TCF21: variants seen among roughly 807,000 people sequenced by gnomAD.
The protein encoded by TCF21 is transcription factor 21.
Under a neutral mutation model 13.5 loss-of-function variants are expected in TCF21, and 3 were observed. The observed-to-expected ratio is 0.22, with a 90% confidence interval of 0.10 to 0.57. The LOEUF is 0.57. Ranked by LOEUF, TCF21 falls within the 20% of genes least tolerant of loss-of-function variation. TCF21 has a pLI of 0.92. For missense variants in TCF21, 181 were observed against 238.4 expected, an observed-to-expected ratio of 0.76 and a Z score of 1.59; for synonymous variants, 92 against 101.7, an observed-to-expected ratio of 0.90 and a Z score of 0.57.
chr6:133,891,363 C>G (rs1775213093), intron 1 of TCF21, among the ~76,000 whole-genome samples: 1 of 152,232 alleles, frequency 6.6e-6, no homozygotes, highest in African/African-American at 2.4e-5. Context: ...ACTGCCAAAG[C>G]GTCTGCCTCC....
chr6:133,889,507 G>A lies in TCF21; in HGVS notation c.110G>A (p.Ser37Asn). The change falls in exon 1 of 2, where the codon AGC becomes AAC. Residue 37 changes from serine to asparagine, a missense_variant. By Grantham distance (46) the Ser-to-Asn change is conservative. Coordinates refer to ENST00000367882, the MANE Select transcript of TCF21 (RefSeq NM_003206.4). The surrounding 1 kb of genome is among the most constrained non-coding windows in gnomAD (Gnocchi z 5.1). ...SNKEFVTSNE[S>N]TEESSNCENG... ...AAGGAATTTGTGACTTCCAACGAGA[G>A]CACCGAGGAGAGCTCCAACTGCGAG... The A allele has an allele frequency of 6.2e-7, 1 of 1,614,112 alleles. No individual in the cohort carries two copies. The highest frequency in any genetic ancestry group is 2.2e-5 in the East Asian group (1 of 44,838).
chr6:133,893,720 C>A (rs767169399), downstream of TCF21: 2 of 152,200 alleles, frequency 1.3e-5, no homozygotes, highest in Admixed American at 1.3e-4. Context: ...AGAGAAATAA[C>A]TTTTTCTTGC....
chr6:133,893,265 G>A (rs950637952), downstream of TCF21: 5 of 152,348 alleles, frequency 3.3e-5, no homozygotes, highest in African/African-American at 9.7e-5. Flanking sequence ...GGCTGGTCCC[G>A]ACTGGAGAAG....
chr6:133,890,826 AC>A (rs1775203452), intron 1 of TCF21, among the ~76,000 whole-genome samples: 1 of 152,196 alleles, frequency 6.6e-6, no homozygotes, highest in South Asian at 2.1e-4. Context: ...TTGTCTTCTC[AC>A]CGAATTGGTT....
rs1393269471 is a variant in TCF21 at position 133,892,098 on chromosome 6, G to A, written c.*296G>A. The A allele has an allele frequency of 1.5e-5, 4 of 269,328 alleles. No homozygotes were observed. Among genetic ancestry groups the A allele is most frequent in the Non-Finnish European group, 2.9e-5 (4 of 139,402 alleles). 16.7% of individuals were successfully genotyped at this position (269,328 alleles called of 1,614,324 possible). A position where few individuals can be genotyped will look rare whatever the true frequency, so the allele number is the denominator to read the frequency against. On this transcript the variant is annotated 3_prime_UTR_variant, in exon 2 of 2. Transcript: ENST00000367882. ...ATTATAAATATATAAATAGATAAGAGCCTATCAATGTATCTTTTGTACAAT... is the reference window on the plus strand; with the variant it reads ...ATTATAAATATATAAATAGATAAGAACCTATCAATGTATCTTTTGTACAAT...
rs1258275362 is a variant in TCF21, at chr6:133,891,854, G to A, written c.*52G>A. On this transcript the variant is annotated 3_prime_UTR_variant, in exon 2 of 2. Coordinates refer to ENST00000367882, the MANE Select transcript of TCF21 (RefSeq NM_003206.4). ...CGCGCTCCCGGGGGGAGCGGGCCCCGGGAAGGCGACCCCTGCCCTCAGTGC... is the reference window on the plus strand; with the variant it reads ...CGCGCTCCCGGGGGGAGCGGGCCCCAGGAAGGCGACCCCTGCCCTCAGTGC... 6.3e-7 allele frequency: 1 copy of A among 1,597,440 alleles called. No individual in the cohort carries two copies. The highest frequency in any genetic ancestry group is 1.3e-5 in the African/African-American group (1 of 74,444).
Position 133,889,862 on chromosome 6 carries a change from G to C in TCF21, c.450+15G>C, listed in dbSNP as rs1466196140. 3 of 1,612,538 alleles carry C rather than the reference G, an allele frequency of 1.9e-6. No individual in the cohort carries two copies. Among genetic ancestry groups the C allele is most frequent in the Admixed American group, 3.3e-5 (2 of 60,030 alleles). ...CGGTCAACCTGGTGAGTGCTCCCGG[G>C]GCTGCAGCTGCAGTCCAGGCGCGCC... On this transcript the variant is annotated intron_variant, in intron 1 of 1. Coordinates refer to ENST00000367882, the MANE Select transcript of TCF21 (RefSeq NM_003206.4). The surrounding 1 kb of genome is among the most constrained non-coding windows in gnomAD (Gnocchi z 5.1).
At chr6:133,892,620 T>G (rs984097521), downstream of TCF21, 1 of 152,170 alleles carries the variant, frequency 6.6e-6, no homozygotes, top group Admixed American at 6.5e-5. Context: ...AAACTCCACC[T>G]TTTGTCACCT....
chr6:133,891,224 G>C (rs1336906594), intron 1 of TCF21, among the ~76,000 whole-genome samples: 1 of 152,230 alleles, frequency 6.6e-6, no homozygotes, highest in African/African-American at 2.4e-5. Context: ...GAAATAGATG[G>C]TGATGAAAGG....
chr6:133,892,066 A>G lies in TCF21; in HGVS notation c.*264A>G, dbSNP rs1775228104. ...TGCAAGCCTTGCTGGTCCAAGTGCA[A>G]TATGTAATTATAAATATATAAATAG... On this transcript the variant is annotated 3_prime_UTR_variant, in exon 2 of 2. Transcript: ENST00000367882. 2.6e-6 allele frequency: 1 copy of G among 384,858 alleles called. No individual in the cohort carries two copies. Among genetic ancestry groups the G allele is most frequent in the Non-Finnish European group, 4.8e-6 (1 of 209,204 alleles). 23.8% of individuals were successfully genotyped at this position (384,858 alleles called of 1,614,324 possible).
chr6:133,892,052 C>A lies in TCF21; in HGVS notation c.*250C>A. The A allele has an allele frequency of 2.2e-6, 1 of 453,954 alleles. No homozygotes were observed. Among genetic ancestry groups the A allele is most frequent in the Non-Finnish European group, 4.0e-6 (1 of 251,094 alleles). 28.1% of individuals were successfully genotyped at this position (453,954 alleles called of 1,614,324 possible). A position where few individuals can be genotyped will look rare whatever the true frequency, so the allele number is the denominator to read the frequency against. On this transcript the variant is annotated 3_prime_UTR_variant, in exon 2 of 2. Coordinates refer to ENST00000367882, the MANE Select transcript of TCF21 (RefSeq NM_003206.4). ...ACCGTGAATGACTCTGCAAGCCTTG[C>A]TGGTCCAAGTGCAATATGTAATTAT...
chr6:133,892,769 C>T (rs1177094941), downstream of TCF21: 2 of 152,168 alleles, frequency 1.3e-5, no homozygotes, highest in Non-Finnish European at 2.9e-5. Flanking sequence ...ATTAATAGTC[C>T]ATTAATTAAT....
Position 133,889,121 on chromosome 6 carries a change from C to G in TCF21, c.-277C>G. 1.9e-6 allele frequency: 1 copy of G among 529,766 alleles called. No individual in the cohort carries two copies. Among genetic ancestry groups the G allele is most frequent in the East Asian group, 3.4e-5 (1 of 29,636 alleles). The allele number at this position is 529,766 out of a possible 1,614,324, so 32.8% of individuals were successfully genotyped here. On this transcript the variant is annotated 5_prime_UTR_variant, in exon 1 of 2. Transcript: ENST00000367882. This position sits in a 1 kb window ranked among gnomAD's most constrained non-coding sequence, Gnocchi z 5.1. ...TGTCCACCAAATTCCTCAGCGCTCG[C>G]TCACCCTCCTCTACGGCCACGACTC...
chr6:133,891,640 A>T, intron 1 of TCF21, 73 bp from the exon 2 acceptor site: 1 of 1,173,872 alleles, frequency 8.5e-7, no homozygotes, highest in Non-Finnish European at 1.1e-6. Context: ...CCTTCCTTTC[A>T]TCTCAGGCCC....
rs1433360273 is a variant in TCF21 at position 133,889,282 on chromosome 6, CCA to C, written c.-112_-111del. On this transcript the variant is annotated 5_prime_UTR_variant, in exon 1 of 2. Coordinates refer to ENST00000367882, the MANE Select transcript of TCF21 (RefSeq NM_003206.4). The surrounding 1 kb of genome is among the most constrained non-coding windows in gnomAD (Gnocchi z 5.1). ...CAGCTCCCAGCAGGAGGTGGCTGCG[CCA>C]CACTCGGGAGGCCTCTTGGTTTCAG... The C allele has an allele frequency of 7.3e-7, 1 of 1,367,092 alleles. No homozygotes were observed. The allele number at this position is 1,367,092 out of a possible 1,614,324, so 84.7% of individuals were successfully genotyped here.
intron 1 of TCF21, among the ~76,000 whole-genome samples, chr6:133,891,157 C>G (rs563019101): frequency 3.3e-5 from 5 of 152,144 alleles, no homozygotes; most frequent in African/African-American, 4.8e-5. Context: ...GGTGATTAAT[C>G]TAGAAGCTGT....
In TCF21 at chr6:133,889,724, GC is replaced by G; in HGVS notation, c.333del (p.Asp112ThrfsTer20). ...GACTCAAGACCACCCTGCCCTGGGT[GC>G]CCCCCGACACCAAGCTCTCCAAGCT... Reference protein sequence around the residue: ...SRLKTTLPWVPPDTKLSKLDT... With the variant: ...SRLKTTLPWVXPDTKLSKLDT... On this transcript the variant is annotated frameshift_variant, in exon 1 of 2. Transcript: ENST00000367882. LOFTEE classifies it high-confidence loss of function. The surrounding 1 kb of genome is among the most constrained non-coding windows in gnomAD (Gnocchi z 5.1). The G allele has an allele frequency of 6.2e-7, 1 of 1,613,630 alleles. No individual in the cohort carries two copies. The highest frequency in any genetic ancestry group is 8.5e-7 in the Non-Finnish European group (1 of 1,179,956).
chr6:133,889,351 G>A lies in TCF21; in HGVS notation c.-47G>A, dbSNP rs770899118. The A allele has an allele frequency of 6.3e-7, 1 of 1,588,724 alleles. No homozygotes were observed. The highest frequency in any genetic ancestry group is 8.6e-7 in the Non-Finnish European group (1 of 1,166,262). On this transcript the variant is annotated 5_prime_UTR_variant, in exon 1 of 2. Coordinates refer to ENST00000367882, the MANE Select transcript of TCF21 (RefSeq NM_003206.4). The surrounding 1 kb of genome is among the most constrained non-coding windows in gnomAD (Gnocchi z 5.1). ...TCTCACCCTCTTCCTCGCTTTCTCT[G>A]TCTCTCTGTCTCTCTCTCTCTCTCT...
chr6:133,894,148 T>A (rs1775265513), downstream of TCF21: 1 of 152,178 alleles, frequency 6.6e-6, no homozygotes, highest in Admixed American at 6.5e-5. Flanking sequence ...AGGCAGGAAG[T>A]TCCAAGGGAT....
Sources: gnomAD v4.1 joint callset for allele counts (sites outside exome capture counted in the v4.1 genomes callset) on GRCh38, gnomAD v4.1.1 for gene constraint, Gnocchi (gnomAD v3.1) non-coding constraint, MANE v1.5 for transcripts, NCBI Gene and HGNC (gene_info 2026-07-23, HGNC 2026-07-21) for gene names.